The following TATDN1 variants were observed in gnomAD, a reference collection of about 807,000 sequenced individuals.
The protein encoded by TATDN1 is TatD DNase domain containing 1.
Under a neutral mutation model 46.4 loss-of-function variants are expected in TATDN1, and 40 were observed. The observed-to-expected ratio is 0.86, with a 90% CI of 0.67 to 1.12. The LOEUF is 1.12. Among genes scored for constraint, TATDN1 ranks in the 50% most tolerant of loss-of-function variants. The pLI, the probability that TATDN1 is intolerant of heterozygous loss-of-function variation, is 0.00. For missense variants in TATDN1, 326 were observed against 348.4 expected, an observed-to-expected ratio of 0.94 and a Z score of 0.51; for synonymous variants, 95 against 105.6, an observed-to-expected ratio of 0.90 and a Z score of 0.62.
chr8:124,495,483 A>G lies in TATDN1; in HGVS notation c.653T>C (p.Met218Thr), dbSNP rs1563644685. ...VLKSIPSEKL[M>T]IETDAPWCGV... ...GAAAACAAACTTACCTGTCTCAATC[A>G]TTAATTTTTCACTAGGAATTGACTT... Residue 218 changes from methionine (M) to threonine (T), a missense_variant, in exon 10 of 12, where the codon ATG becomes ACG. Coordinates refer to ENST00000276692, the MANE Select transcript of TATDN1 (RefSeq NM_032026.4). 1.2e-6 allele frequency: 2 copies of G among 1,608,006 alleles called. No homozygotes were observed. The highest frequency in any genetic ancestry group is 1.3e-5 in the African/African-American group (1 of 74,638).
intron 1 of TATDN1, among the ~76,000 whole-genome samples, chr8:124,534,230 C>CT (rs1045565299): frequency 6.7e-6 from 1 of 149,502 alleles, no homozygotes; most frequent in African/African-American, 2.5e-5. Context: ...AAGCCACTGC[C>CT]TACTTTTGTT....
At chr8:124,529,192 T>A (rs1480321307) in intron 1 of TATDN1, among the ~76,000 whole-genome samples, 2 of 152,162 alleles carry the variant, frequency 1.3e-5, no homozygotes, top group African/African-American at 4.8e-5. Context: ...TGGACCTGAG[T>A]CTGCTGGGCC....
intron 10 of TATDN1, chr8:124,494,988 C>CT (rs1220006309): frequency 2.6e-5 from 4 of 155,198 alleles, no homozygotes; most frequent in African/African-American, 9.6e-5. Context: ...TCCCAAAGTG[C>CT]TGGGAATACA....
At chr8:124,505,536 C>CAAA (rs199714420) in intron 8 of TATDN1, among the ~76,000 whole-genome samples, 3 of 75,392 alleles carry the variant, frequency 4.0e-5, no homozygotes, top group Admixed American at 1.5e-4. Context: ...GAAACTGTCT[C>CAAA]AAAAAAAAAA....
At chr8:124,490,584 A>G (rs1816899079) in intron 11 of TATDN1, among the ~76,000 whole-genome samples, 1 of 152,198 alleles carries the variant, frequency 6.6e-6, no homozygotes, top group Admixed American at 6.5e-5. Flanking sequence ...AATGCAGTTT[A>G]TGGAAATCTT....
At chr8:124,505,467 C>T (rs564601848) in intron 8 of TATDN1, among the ~76,000 whole-genome samples, 1 of 150,556 alleles carries the variant, frequency 6.6e-6, no homozygotes, top group Non-Finnish European at 1.5e-5. Context: ...AAAGCATAAA[C>T]TGTAATCTCA....
rs1216294593 is a variant in TATDN1, at chr8:124,518,823, G to A, written c.197C>T (p.Thr66Ile). The A allele has an allele frequency of 3.1e-6, 5 of 1,606,668 alleles. No homozygotes were observed. Among genetic ancestry groups the A allele is most frequent in the Non-Finnish European group, 4.3e-6 (5 of 1,174,468 alleles). ...TAAAAGAAATATGAGGATACCATTT[G>A]TTTGTGCCAAATGCAGTGCATCTTT... ...DSKDALHLAQ[T>I]NGMFFSTVGC... Residue 66 changes from threonine (T) to isoleucine (I), a missense_variant, in exon 4 of 12, where the codon ACA (threonine) becomes ATA (isoleucine). Thr to Ile is a moderately conservative substitution (Grantham distance 89). Transcript: ENST00000276692.
intron 9 of TATDN1, chr8:124,503,811 G>C (rs1818179339): frequency 2.4e-6 from 2 of 818,998 alleles, no homozygotes; most frequent in Middle Eastern, 5.3e-4. Context: ...CAGAGGACAT[G>C]GGTTCTCATA....
chr8:124,493,787 G>T, intron 11 of TATDN1, 46 bp downstream of exon 11: 1 of 1,554,176 alleles, frequency 6.4e-7, no homozygotes, highest in Non-Finnish European at 8.7e-7. Flanking sequence ...AGTGGCATCT[G>T]GTGGTTAACT....
chr8:124,528,639 C>T (rs953350265), intron 1 of TATDN1, among the ~76,000 whole-genome samples: 2 of 151,974 alleles, frequency 1.3e-5, no homozygotes, highest in African/African-American at 4.8e-5. Context: ...GCAGTGTCTG[C>T]AGCTATCTTG....
chr8:124,522,102 G>A (rs1014031515), intron 3 of TATDN1, 49 bp downstream of exon 3: 2 of 1,353,672 alleles, frequency 1.5e-6, no homozygotes, highest in African/African-American at 1.5e-5. Flanking sequence ...CTAAAATTTA[G>A]TTAAAAAATG....
intron 1 of TATDN1, among the ~76,000 whole-genome samples, chr8:124,534,622 G>A (rs545876492): frequency 6.6e-6 from 1 of 152,290 alleles, no homozygotes; most frequent in Non-Finnish European, 1.5e-5. Flanking sequence ...CTGACGTCAG[G>A]TATGTGTGGG....
chr8:124,531,175 C>A (rs912667691), intron 1 of TATDN1, among the ~76,000 whole-genome samples: 2 of 151,984 alleles, frequency 1.3e-5, no homozygotes, highest in Admixed American at 6.6e-5. Context: ...CTTTAACAAG[C>A]CCCTGGCAAT....
At position 124,526,376 on chromosome 8, in the gene TATDN1, G is replaced by A. The variant is rs147266142; in HGVS notation, c.23-3374C>T. Reference sequence around the variant, plus strand: ...AATTAAAAGTCTCTATTAGACATAAGCCTATTGGCATGTAAACTCAAACAA... The same window carrying A: ...AATTAAAAGTCTCTATTAGACATAAACCTATTGGCATGTAAACTCAAACAA... On this transcript the variant is annotated intron_variant, in intron 1 of 11. Transcript: ENST00000276692. Among the ~76,000 whole-genome samples the A allele has an allele frequency of 1.9e-3, 289 of 152,290 alleles. 1 individual carries two copies. Among genetic ancestry groups the A allele is most frequent in the Admixed American group, 3.7e-3 (57 of 15,302 alleles).
At position 124,524,973 on chromosome 8, in the gene TATDN1, G is replaced by A. The variant is rs1041894982; in HGVS notation, c.23-1971C>T. Among the ~76,000 whole-genome samples, 4 of 152,140 alleles carry A rather than the reference G, an allele frequency of 2.6e-5. No individual in the cohort carries two copies. In the East Asian group the frequency reaches 5.8e-4, roughly 22 times the overall value. On this transcript the variant is annotated intron_variant, in intron 1 of 11. Coordinates refer to ENST00000276692, the MANE Select transcript of TATDN1 (RefSeq NM_032026.4). ...GGCTGATGAGGAAAGCAGGTCCTAC[G>A]TCCCAGTATAGTCTCTGGGTTTATC...
At chr8:124,511,314 T>C (rs746175939) in intron 6 of TATDN1, among the ~76,000 whole-genome samples, 2 of 152,208 alleles carry the variant, frequency 1.3e-5, no homozygotes, top group Non-Finnish European at 2.9e-5. Flanking sequence ...GTGAGTTTCA[T>C]GGGTATACCT....
At chr8:124,538,078 T>C (rs895871383) in intron 1 of TATDN1, among the ~76,000 whole-genome samples, 1 of 152,180 alleles carries the variant, frequency 6.6e-6, no homozygotes, top group Non-Finnish European at 1.5e-5. Context: ...AAACTTAACC[T>C]AATCCAAATG....
chr8:124,531,114 G>C (rs1563690986), intron 1 of TATDN1, among the ~76,000 whole-genome samples: 3 of 152,106 alleles, frequency 2.0e-5, no homozygotes, highest in Admixed American at 2.0e-4. Flanking sequence ...TTTATGGCCT[G>C]TTGGGAAGCT....
intron 8 of TATDN1, among the ~76,000 whole-genome samples, chr8:124,507,799 A>G (rs886126885): frequency 2.0e-5 from 3 of 151,318 alleles, no homozygotes; most frequent in Admixed American, 6.6e-5. Context: ...AAAAAAAAAA[A>G]CAAAAAACAC....
Sources: allele counts gnomAD v4.1 joint callset (sites outside exome capture counted in the v4.1 genomes callset), GRCh38; gene constraint gnomAD v4.1.1; transcripts MANE v1.5; gene names NCBI Gene and HGNC (gene_info 2026-07-23, HGNC 2026-07-21).